The following TUSC3 variants were observed in gnomAD, a reference collection of about 807,000 sequenced individuals.
The protein encoded by TUSC3 is tumor suppressor candidate 3.
A neutral mutation model predicts 44.8 loss-of-function variants in TUSC3; 45 were observed. The observed-to-expected ratio is 1.00, with a 90% confidence interval of 0.79 to 1.29. TUSC3 has a LOEUF of 1.29. Among genes scored for constraint, TUSC3 ranks in the 50% most tolerant of loss-of-function variants. The pLI, the probability that TUSC3 is intolerant of heterozygous loss-of-function variation, is 0.00. For synonymous variants in TUSC3, 212 were observed against 152.9 expected (o/e 1.39, Z -2.85); for missense variants, 519 against 437.9 (o/e 1.19, Z -1.65).
chr8:15,485,362 A>G (rs1319645372), intron 2 of TUSC3, among the ~76,000 whole-genome samples: 2 of 151,714 alleles, frequency 1.3e-5, no homozygotes, highest in Non-Finnish European at 2.9e-5. Flanking sequence ...TTTATTGGCC[A>G]TTGACTATTT....
intron 1 of TUSC3, among the ~76,000 whole-genome samples, chr8:15,602,437 T>C (rs1585142617): frequency 6.6e-6 from 1 of 151,678 alleles, no homozygotes; most frequent in Admixed American, 6.6e-5. Context: ...TTGTACTTTT[T>C]ACATCTTACA....
rs561666645 is a variant in TUSC3, at chr8:15,513,697, T to C, written n.189+30214T>C. On this transcript the variant is annotated intron_variant and non_coding_transcript_variant, in intron 2 of 5. Transcript: ENST00000503191. The stretch of plus-strand genomic sequence containing the variant: ...TCGTTTTGGGTAAAGTCTGGTGTGT[T>C]ACCTGGGTCTACACACATTTTCGCT... Among the ~76,000 whole-genome samples the C allele has an allele frequency of 4.6e-5, 7 of 152,264 alleles. No individual in the cohort carries two copies. In the South Asian group the frequency reaches 1.0e-3, roughly 23 times the overall value.
At chr8:15,545,754 C>G (rs1283817875) in intron 1 of TUSC3, among the ~76,000 whole-genome samples, 1 of 151,540 alleles carries the variant, frequency 6.6e-6, no homozygotes, top group African/African-American at 2.4e-5. Context: ...GAGTAATCAA[C>G]TCTTAACCTT....
In TUSC3 at chr8:15,723,365, T is replaced by C. The variant is rs545990648; in HGVS notation, c.799-7301T>C. Among the ~76,000 whole-genome samples the C allele has an allele frequency of 2.7e-4, 41 of 152,296 alleles. 1 individual carries two copies. In the South Asian group the frequency reaches 7.9e-3, roughly 29 times the overall value. On this transcript the variant is annotated intron_variant, in intron 6 of 10. Transcript: ENST00000503731. ...GCAAGTAATCAAGATTTGTCACTGT[T>C]TTCATAAAGAACTGTTTTATTTCTC...
In TUSC3 at chr8:15,764,389, C is replaced by A; in HGVS notation, c.*233C>A. ...TTTAATTTACAGAAATCAATGGTAGCATTTAGTAATCTACAAAGGAAATAT... is the reference window on the plus strand; with the variant it reads ...TTTAATTTACAGAAATCAATGGTAGAATTTAGTAATCTACAAAGGAAATAT... On this transcript the variant is annotated 3_prime_UTR_variant, in exon 11 of 11. Coordinates refer to ENST00000503731, the MANE Select transcript of TUSC3 (RefSeq NM_006765.4). 1.6e-6 allele frequency: 1 copy of A among 638,064 alleles called. No individual in the cohort carries two copies. Among genetic ancestry groups the A allele is most frequent in the Non-Finnish European group, 2.7e-6 (1 of 369,602 alleles). The allele number at this position is 638,064 out of a possible 1,614,324, so 39.5% of individuals were successfully genotyped here.
chr8:15,426,254 G>C (rs1799802407), intron 1 of TUSC3, among the ~76,000 whole-genome samples: 1 of 152,018 alleles, frequency 6.6e-6, no homozygotes, highest in Non-Finnish European at 1.5e-5. Context: ...TCTGTGAAAA[G>C]AACACCTAAC....
At chr8:15,681,254 A>G (rs1389404786) in intron 6 of TUSC3, among the ~76,000 whole-genome samples, 1 of 149,690 alleles carries the variant, frequency 6.7e-6, no homozygotes, top group Non-Finnish European at 1.5e-5. Flanking sequence ...GATTGGTACC[A>G]GTTCTTCTTT....
chr8:15,536,342 C>A (rs1585079602), upstream of TUSC3, among the ~76,000 whole-genome samples: 1 of 152,070 alleles, frequency 6.6e-6, no homozygotes, highest in Non-Finnish European at 1.5e-5. Context: ...ATACTTTACA[C>A]TGATTTATGT....
At chr8:15,601,825 G>A (rs1481233742) in intron 1 of TUSC3, among the ~76,000 whole-genome samples, 1 of 151,468 alleles carries the variant, frequency 6.6e-6, no homozygotes, top group African/African-American at 2.4e-5. Flanking sequence ...AGATTTTGTG[G>A]CTTGCTTTCT....
chr8:15,656,852 C>T (rs1807192512), intron 3 of TUSC3, among the ~76,000 whole-genome samples: 1 of 152,226 alleles, frequency 6.6e-6, no homozygotes, highest in Non-Finnish European at 1.5e-5. Context: ...CTCCTCAGCT[C>T]TTACATTCTG....
Position 15,441,116 on chromosome 8 carries a change from G to A in TUSC3, n.91+23811G>A, listed in dbSNP as rs80159033. Among the ~76,000 whole-genome samples the A allele has an allele frequency of 2.0e-3, 308 of 152,314 alleles. 4 individuals are homozygous for A. In the East Asian group the frequency reaches 0.024, roughly 12 times the overall value. On this transcript the variant is annotated intron_variant and non_coding_transcript_variant, in intron 1 of 5. Coordinates refer to the TUSC3 transcript ENST00000503191. Reference sequence around the variant, plus strand: ...AAATTAATACTAAATTAAAAATCAAGTAAGTGATGGCCAGGCACAGTGGCT... The same window carrying A: ...AAATTAATACTAAATTAAAAATCAAATAAGTGATGGCCAGGCACAGTGGCT...
chr8:15,744,446 A>G (rs922931807), intron 8 of TUSC3, among the ~76,000 whole-genome samples: 3 of 152,002 alleles, frequency 2.0e-5, no homozygotes, highest in African/African-American at 4.8e-5. Context: ...CTTTCTTTGC[A>G]TTTCTGAACT....
chr8:15,756,891 C>T (rs922555211), intron 9 of TUSC3, among the ~76,000 whole-genome samples: 1 of 152,302 alleles, frequency 6.6e-6, no homozygotes, highest in South Asian at 2.1e-4. Context: ...GGCCTCACGC[C>T]TAGCACATTG....
chr8:15,583,779 AT>A (rs1803478915), intron 1 of TUSC3, among the ~76,000 whole-genome samples: 2 of 152,184 alleles, frequency 1.3e-5, no homozygotes, highest in Admixed American at 6.5e-5. Context: ...TTAAGCAAGT[AT>A]TGGAAGAGTA....
At chr8:15,599,215 A>G (rs1040033890) in intron 1 of TUSC3, among the ~76,000 whole-genome samples, 3 of 151,754 alleles carry the variant, frequency 2.0e-5, no homozygotes, top group Non-Finnish European at 4.4e-5. Flanking sequence ...CTAGTTTGCT[A>G]TTTGTATATC....
intron 2 of TUSC3, among the ~76,000 whole-genome samples, chr8:15,513,871 A>C (rs779629749): frequency 2.0e-5 from 3 of 152,142 alleles, no homozygotes; most frequent in Non-Finnish European, 4.4e-5. Context: ...ACTTGCTCCC[A>C]AATTTTTCCA....
chr8:15,748,510 A>C (rs1250289966), intron 9 of TUSC3, 45 bp downstream of exon 9: 3 of 1,433,176 alleles, frequency 2.1e-6, no homozygotes, highest in African/African-American at 1.4e-5. Context: ...TTTAACTAAT[A>C]GAACAGAGTT....
At chr8:15,679,434 C>G (rs986874583) in intron 6 of TUSC3, among the ~76,000 whole-genome samples, 2 of 152,070 alleles carry the variant, frequency 1.3e-5, no homozygotes, top group Non-Finnish European at 2.9e-5. Context: ...ATCCTTTGCC[C>G]ACTTTTTAAT....
intron 2 of TUSC3, among the ~76,000 whole-genome samples, chr8:15,529,947 G>GCC (rs528852746): frequency 3.9e-5 from 1 of 25,636 alleles, no homozygotes; most frequent in African/African-American, 1.0e-4. Flanking sequence ...ACAGGCGCCC[G>GCC]GCTAATTTTT....
Sources: allele counts gnomAD v4.1 joint callset (sites outside exome capture counted in the v4.1 genomes callset), GRCh38; gene constraint gnomAD v4.1.1; transcripts MANE v1.5; gene names NCBI Gene and HGNC (gene_info 2026-07-23, HGNC 2026-07-21).